CLNK: variants seen among roughly 807,000 people sequenced by gnomAD.
CLNK encodes cytokine dependent hematopoietic cell linker, also known as cytokine-dependent hematopoietic cell linker.
Under a neutral mutation model 68.6 loss-of-function variants are expected in CLNK, and 74 were observed. The ratio of observed to expected loss-of-function variants is 1.08; its 90% CI spans 0.89 to 1.31. CLNK has a LOEUF of 1.31. Among genes scored for constraint, CLNK ranks in the 50% most tolerant of loss-of-function variants. The pLI is 0.00. For missense variants in CLNK, 553 were observed against 515.3 expected (o/e 1.07, Z -0.71); for synonymous variants, 198 against 172.2 (o/e 1.15, Z -1.17).
the CLNK span, among the ~76,000 whole-genome samples, chr4:10,721,277 A>G: frequency 6.6e-6 from 1 of 152,150 alleles, no homozygotes; most frequent in Non-Finnish European, 1.5e-5. Flanking sequence ...TATCGACTGC[A>G]TGCCCTGATG....
chr4:10,712,211 T>C, the CLNK span, among the ~76,000 whole-genome samples: 3 of 152,182 alleles, frequency 2.0e-5, no homozygotes, highest in African/African-American at 7.2e-5. Context: ...TGCCAGTCTG[T>C]CACCTCAAGC....
intron 4 of CLNK, among the ~76,000 whole-genome samples, chr4:10,573,374 T>C (rs1195581416): frequency 1.3e-5 from 2 of 152,156 alleles, no homozygotes; most frequent in Non-Finnish European, 2.9e-5. Flanking sequence ...AACAGAATCC[T>C]GCCTACACCT....
chr4:10,528,223 G>T, intron 12 of CLNK, 129 bp from the exon 13 acceptor site: 1 of 396,744 alleles, frequency 2.5e-6, no homozygotes, highest in Non-Finnish European at 4.4e-6. Context: ...ATAGTTCGTA[G>T]TTTTAAAAAA....
At chr4:10,719,054 A>T in the CLNK span, among the ~76,000 whole-genome samples, 1 of 152,144 alleles carries the variant, frequency 6.6e-6, no homozygotes, top group Non-Finnish European at 1.5e-5. Context: ...AGATACAGTC[A>T]AAAACTCCAT....
At chr4:10,577,961 G>C (rs1185269018) in intron 4 of CLNK, among the ~76,000 whole-genome samples, 1 of 152,140 alleles carries the variant, frequency 6.6e-6, no homozygotes, top group African/African-American at 2.4e-5. Context: ...GAAGTTTTAG[G>C]TTTAAATCCT....
rs1482028229 is a variant in CLNK, at chr4:10,566,160, T to A, written c.151-10A>T. ...CAGCAAAGTTTCTTTCCTAAGCAGG[T>A]GGTAACATTCCAGTGAGTCAAAGGA... On this transcript the variant is annotated splice_polypyrimidine_tract_variant and intron_variant, in intron 5 of 18. Transcript: ENST00000226951. 1 of 1,613,238 alleles carries A rather than the reference T, an allele frequency of 6.2e-7. No homozygotes were observed. Among genetic ancestry groups the A allele is most frequent in the Admixed American group, 1.7e-5 (1 of 60,006 alleles).
chr4:10,721,377 G>T, the CLNK span, among the ~76,000 whole-genome samples: 3 of 152,156 alleles, frequency 2.0e-5, no homozygotes, highest in Non-Finnish European at 4.4e-5. Flanking sequence ...TCTTAAAACT[G>T]CATGAGACTC....
intron 1 of CLNK, among the ~76,000 whole-genome samples, chr4:10,672,685 TCC>T: frequency 6.6e-6 from 1 of 152,124 alleles, no homozygotes; most frequent in East Asian, 1.9e-4. Flanking sequence ...AAATATAATG[TCC>T]CAGAAAGTTT....
intron 3 of CLNK, among the ~76,000 whole-genome samples, chr4:10,585,998 C>T (rs1720951380): frequency 1.3e-5 from 2 of 152,072 alleles, no homozygotes; most frequent in African/African-American, 4.8e-5. Flanking sequence ...GATCATCATG[C>T]GTTGGTAGGA....
At chr4:10,620,061 G>A (rs746911638) in intron 2 of CLNK, among the ~76,000 whole-genome samples, 2 of 152,154 alleles carry the variant, frequency 1.3e-5, no homozygotes, top group Non-Finnish European at 2.9e-5. Context: ...TCCTTTCTCT[G>A]CTCTTCACGG....
chr4:10,629,438 AG>A (rs2108867656), intron 2 of CLNK, among the ~76,000 whole-genome samples: 1 of 152,258 alleles, frequency 6.6e-6, no homozygotes, highest in African/African-American at 2.4e-5. Context: ...GCAGCCTGAG[AG>A]TCAAGGCCAT....
At chr4:10,535,239 GAAAGAAAGAAAGAAAGAAAGAAAGAAAA>G (rs1718708158) in intron 11 of CLNK, among the ~76,000 whole-genome samples, 1 of 150,108 alleles carries the variant, frequency 6.7e-6, no homozygotes, top group African/African-American at 2.5e-5. Context: ...AAGAAAGAAA[GAAAGAAAGAAAGAAAGAAAGAAAGAAAA>G]AATGGAAAGC....
At chr4:10,697,661 G>A in the CLNK span, 10 of 152,132 alleles carry the variant, frequency 6.6e-5, no homozygotes, top group South Asian at 4.2e-4. Flanking sequence ...TATTTAGGAC[G>A]GCCACTGGGT....
intron 1 of CLNK, among the ~76,000 whole-genome samples, chr4:10,676,676 G>A (rs1322950076): frequency 2.6e-5 from 4 of 151,864 alleles, no homozygotes; most frequent in Non-Finnish European, 5.9e-5. Context: ...CTGCAGAAAG[G>A]GTTTCCTTCC....
intron 17 of CLNK, among the ~76,000 whole-genome samples, chr4:10,507,529 T>A (rs1184507685): frequency 6.6e-6 from 1 of 151,996 alleles, no homozygotes; most frequent in Non-Finnish European, 1.5e-5. Context: ...AGTGGCACAG[T>A]CTTGGCTCAC....
chr4:10,600,550 C>T (rs530132769), intron 2 of CLNK, among the ~76,000 whole-genome samples: 3 of 152,238 alleles, frequency 2.0e-5, no homozygotes, highest in African/African-American at 7.2e-5. Flanking sequence ...TGTACATGTC[C>T]ATATCCCCTT....
intron 4 of CLNK, among the ~76,000 whole-genome samples, chr4:10,575,258 C>T (rs149763151): frequency 6.6e-6 from 1 of 152,348 alleles, no homozygotes; most frequent in African/African-American, 2.4e-5. Context: ...TCACCTCCGA[C>T]TTCAGCTGCT....
intron 7 of CLNK, among the ~76,000 whole-genome samples, chr4:10,562,403 GTTTGTT>G (rs1719932634): frequency 2.6e-5 from 4 of 151,640 alleles, no homozygotes; most frequent in African/African-American, 7.3e-5. Context: ...ATTTTTGTTT[GTTTGTT>G]TTTGTTTTTG....
intron 8 of CLNK, among the ~76,000 whole-genome samples, chr4:10,556,598 C>T (rs1294194012): frequency 6.6e-6 from 1 of 152,176 alleles, no homozygotes; most frequent in Non-Finnish European, 1.5e-5. Flanking sequence ...TCTGATTTCT[C>T]TCCAGGACTC....
Sources: allele counts gnomAD v4.1 joint callset (sites outside exome capture counted in the v4.1 genomes callset), GRCh38; gene constraint gnomAD v4.1.1; transcripts MANE v1.5; gene names NCBI Gene and HGNC (gene_info 2026-07-23, HGNC 2026-07-21).